The following IL1RAPL2 variants were observed in gnomAD, a reference collection of about 807,000 sequenced individuals.
IL1RAPL2 encodes X-linked interleukin-1 receptor accessory protein-like 2.
A neutral mutation model predicts 44.1 loss-of-function variants in IL1RAPL2; 3 were observed. The ratio of observed to expected loss-of-function variants is 0.07; its 90% CI spans 0.03 to 0.18. The LOEUF (loss-of-function observed/expected upper bound fraction) is 0.18, where lower values mean the gene tolerates loss of function less well. Ranked by LOEUF, IL1RAPL2 falls within the 10% of genes least tolerant of loss-of-function variation. The pLI, the probability that IL1RAPL2 is intolerant of heterozygous loss-of-function variation, is 1.00. For synonymous variants in IL1RAPL2, 181 were observed against 178.8 expected, an observed-to-expected ratio of 1.01 and a Z score of -0.10; for missense variants, 391 against 496.4, an observed-to-expected ratio of 0.79 and a Z score of 2.02.
intron 1 of IL1RAPL2, among the ~76,000 whole-genome samples, chrX:104,649,856 T>G (rs2148019841): frequency 8.9e-6 from 1 of 112,097 alleles, no homozygotes; most frequent in East Asian, 2.8e-4. Context: ...ACATATCTGG[T>G]ACTTTAAGGG....
rs943292260 is a variant in IL1RAPL2, at chrX:105,122,208, G to C, written c.83-73267G>C. ...AGAAGGGGAAAATTGGTAACTCTTGGAACCAGGATGACCTTTAGAAGATTA... is the reference window on the plus strand; with the variant it reads ...AGAAGGGGAAAATTGGTAACTCTTGCAACCAGGATGACCTTTAGAAGATTA... On this transcript the variant is annotated intron_variant, in intron 2 of 10. Transcript: ENST00000372582. Among the ~76,000 whole-genome samples, 7 of 111,277 alleles carry C rather than the reference G, an allele frequency of 6.3e-5. No homozygotes were observed. The Admixed American group carries it at 6.7e-4, about 11-fold the overall frequency.
chrX:104,951,336 A>G (rs746170326), intron 2 of IL1RAPL2, among the ~76,000 whole-genome samples: 27 of 112,457 alleles, frequency 2.4e-4, no homozygotes, highest in Non-Finnish European at 4.9e-4. Flanking sequence ...CCCCATTACC[A>G]AAAGGGAAAT....
chrX:105,305,828 C>T (rs1340591845), intron 5 of IL1RAPL2, among the ~76,000 whole-genome samples: 1 of 111,725 alleles, frequency 9.0e-6, no homozygotes, highest in East Asian at 2.8e-4. Context: ...CTGTAAGGGA[C>T]ATCTGCTCGG....
intron 5 of IL1RAPL2, among the ~76,000 whole-genome samples, chrX:105,307,067 GA>G (rs58768407): frequency 0.021 from 2,326 of 108,539 alleles, 64 homozygotes; most frequent in African/African-American, 0.074. Flanking sequence ...TAAGTGTGCA[GA>G]AAAAAAACTA....
intron 5 of IL1RAPL2, among the ~76,000 whole-genome samples, chrX:105,321,177 T>C (rs1260643508): frequency 9.0e-6 from 1 of 111,416 alleles, no homozygotes; most frequent in Non-Finnish European, 1.9e-5. Context: ...ATTTAGAATT[T>C]GTAGTTTGTA....
At chrX:104,952,787 C>T (rs1018459327) in intron 2 of IL1RAPL2, among the ~76,000 whole-genome samples, 1 of 111,956 alleles carries the variant, frequency 8.9e-6, no homozygotes, top group African/African-American at 3.2e-5. Flanking sequence ...TTTAGTTTTC[C>T]AATTAATTTA....
At chrX:105,441,577 C>T (rs1161524848) in intron 5 of IL1RAPL2, among the ~76,000 whole-genome samples, 2 of 111,979 alleles carry the variant, frequency 1.8e-5, no homozygotes, top group Non-Finnish European at 3.8e-5. Flanking sequence ...ACCCAGACCT[C>T]TCTTAAAACA....
At chrX:104,673,624 A>G (rs1438923410) in intron 2 of IL1RAPL2, among the ~76,000 whole-genome samples, 1 of 111,114 alleles carries the variant, frequency 9.0e-6, no homozygotes, top group Non-Finnish European at 1.9e-5. Flanking sequence ...GTTTTTTCCA[A>G]TTCTGTGAAG....
At chrX:105,200,595 C>T in intron 3 of IL1RAPL2, among the ~76,000 whole-genome samples, 1 of 111,940 alleles carries the variant, frequency 8.9e-6, no homozygotes, top group East Asian at 2.8e-4. Flanking sequence ...TCATATAATC[C>T]TGCATTGAAT....
intron 2 of IL1RAPL2, among the ~76,000 whole-genome samples, chrX:104,670,761 C>T (rs1405021359): frequency 9.0e-6 from 1 of 111,666 alleles, no homozygotes; most frequent in African/African-American, 3.3e-5. Flanking sequence ...CTATCTGTTG[C>T]TGACCTAGTT....
chrX:104,974,854 C>G (rs2030302251), intron 2 of IL1RAPL2, among the ~76,000 whole-genome samples: 1 of 112,000 alleles, frequency 8.9e-6, no homozygotes, highest in South Asian at 3.7e-4. Context: ...TTTCCTCTCA[C>G]TGGGGACAGT....
At chrX:104,668,306 CTT>C (rs1491185608) in intron 2 of IL1RAPL2, among the ~76,000 whole-genome samples, 1 of 106,011 alleles carries the variant, frequency 9.4e-6, no homozygotes, top group Non-Finnish European at 1.9e-5. Flanking sequence ...GCTAGTGTTT[CTT>C]TTTTATTTTT....
intron 2 of IL1RAPL2, among the ~76,000 whole-genome samples, chrX:105,169,033 T>C (rs1013940360): frequency 8.9e-6 from 1 of 112,404 alleles, no homozygotes; most frequent in Non-Finnish European, 1.9e-5. Context: ...TTATAACAAC[T>C]CTACACTGTA....
At chrX:104,895,215 T>TA (rs1269122982) in intron 2 of IL1RAPL2, among the ~76,000 whole-genome samples, 3 of 112,447 alleles carry the variant, frequency 2.7e-5, no homozygotes, top group Non-Finnish European at 5.6e-5. Context: ...GCCTCCCAGT[T>TA]AGACTACTCG....
chrX:104,895,604 C>T (rs1923619357), intron 2 of IL1RAPL2, among the ~76,000 whole-genome samples: 1 of 112,635 alleles, frequency 8.9e-6, no homozygotes, highest in South Asian at 3.6e-4. Flanking sequence ...ATATAATGTC[C>T]TTGTGTGCCA....
At chrX:105,610,418 A>C (rs1402157389) in intron 6 of IL1RAPL2, among the ~76,000 whole-genome samples, 1 of 111,852 alleles carries the variant, frequency 8.9e-6, no homozygotes, top group Non-Finnish European at 1.9e-5. Context: ...CTACCAACCA[A>C]ATTAAGGTTG....
intron 2 of IL1RAPL2, among the ~76,000 whole-genome samples, chrX:104,906,902 A>G (rs1244064438): frequency 2.7e-5 from 3 of 111,838 alleles, no homozygotes; most frequent in Non-Finnish European, 3.8e-5. Context: ...TGTACCTCTC[A>G]TAGAATTCGG....
intron 2 of IL1RAPL2, among the ~76,000 whole-genome samples, chrX:104,941,092 C>T (rs1225774311): frequency 9.0e-6 from 1 of 110,622 alleles, no homozygotes; most frequent in Non-Finnish European, 1.9e-5. Flanking sequence ...TTTCTTAATC[C>T]AGTCTATCAT....
At chrX:105,279,978 C>T (rs2034518110) in intron 5 of IL1RAPL2, among the ~76,000 whole-genome samples, 1 of 112,102 alleles carries the variant, frequency 8.9e-6, no homozygotes, top group African/African-American at 3.2e-5. Flanking sequence ...CAAGACAATC[C>T]TGGGTGAGAA....
Sources: allele counts gnomAD v4.1 joint callset (sites outside exome capture counted in the v4.1 genomes callset), GRCh38; gene constraint gnomAD v4.1.1; transcripts MANE v1.5; gene names NCBI Gene and HGNC (gene_info 2026-07-23, HGNC 2026-07-21).